The following SEMA3E variants were observed in gnomAD, a reference collection of about 807,000 sequenced individuals.
SEMA3E encodes the protein semaphorin 3E, also known as semaphorin-3E.
Under a neutral mutation model 93.6 loss-of-function variants are expected in SEMA3E, and 49 were observed. The observed-to-expected ratio is 0.52, with a 90% CI of 0.42 to 0.66. The LOEUF is 0.66. Among genes scored for constraint, SEMA3E ranks in the 30% least tolerant of loss-of-function variants. The pLI is 0.00. For missense variants in SEMA3E, 906 were observed against 964.8 expected (o/e 0.94, Z 0.81); for synonymous variants, 363 against 330.7 (o/e 1.10, Z -1.06).
intron 1 of SEMA3E, among the ~76,000 whole-genome samples, chr7:83,523,446 T>C (rs1048037158): frequency 7.9e-5 from 12 of 152,122 alleles, no homozygotes; most frequent in African/African-American, 2.4e-4. Context: ...GGATAAAATA[T>C]GGTTTTTCAG....
chr7:83,556,474 T>C (rs1015293711), intron 1 of SEMA3E, among the ~76,000 whole-genome samples: 2 of 152,138 alleles, frequency 1.3e-5, no homozygotes, highest in African/African-American at 4.8e-5. Context: ...TCATGTATGT[T>C]ACATTTCGTG....
chr7:83,603,027 C>A, intron 1 of SEMA3E, among the ~76,000 whole-genome samples: 1 of 152,098 alleles, frequency 6.6e-6, no homozygotes, highest in South Asian at 2.1e-4. Flanking sequence ...CTTAACCTAT[C>A]AGAAATGTGT....
chr7:83,466,725 A>G lies in SEMA3E; in HGVS notation c.337-124T>C. The stretch of plus-strand genomic sequence containing the variant: ...ACCGTAAATCTCTGTTGGGTGAAGG[A>G]GGCAAGAGGGGTAGAAGAAAAGAGG... On this transcript the variant is annotated intron_variant, in intron 3 of 16. Transcript: ENST00000643230. 2.6e-6 allele frequency: 3 copies of G among 1,160,470 alleles called. 1 individual carries two copies. In the Middle Eastern group the frequency reaches 5.8e-4, roughly 224 times the overall value. 71.9% of individuals were successfully genotyped at this position (1,160,470 alleles called of 1,614,324 possible). A position where few individuals can be genotyped will look rare whatever the true frequency, so the allele number is the denominator to read the frequency against.
chr7:83,612,208 G>A (rs777747764), intron 1 of SEMA3E, among the ~76,000 whole-genome samples: 1 of 151,948 alleles, frequency 6.6e-6, no homozygotes, highest in African/African-American at 2.4e-5. Context: ...TTTATATTCA[G>A]AGTACTACTC....
At chr7:83,435,487 C>T (rs961648218) in intron 4 of SEMA3E, among the ~76,000 whole-genome samples, 32 of 151,880 alleles carry the variant, frequency 2.1e-4, no homozygotes, top group African/African-American at 7.0e-4. Flanking sequence ...TCCCAGCTGC[C>T]CAGGAGGCCG....
intron 4 of SEMA3E, among the ~76,000 whole-genome samples, chr7:83,448,582 T>C (rs1789286437): frequency 6.6e-6 from 1 of 152,236 alleles, no homozygotes; most frequent in South Asian, 2.1e-4. Context: ...CTTAGAGTCA[T>C]TGTTTCAGCA....
At chr7:83,529,014 G>A (rs1562820452) in intron 1 of SEMA3E, among the ~76,000 whole-genome samples, 2 of 152,088 alleles carry the variant, frequency 1.3e-5, no homozygotes, top group Non-Finnish European at 2.9e-5. Flanking sequence ...GCTTAAAAGA[G>A]TATTCAAGTT....
intron 1 of SEMA3E, among the ~76,000 whole-genome samples, chr7:83,639,687 G>A (rs17157933): frequency 0.12 from 17,919 of 147,870 alleles, 1,175 homozygotes; most frequent in East Asian, 0.2. Context: ...AAAACCATAC[G>A]AGATAGGAAG....
At chr7:83,590,698 G>T (rs75696789) in intron 1 of SEMA3E, among the ~76,000 whole-genome samples, 6,441 of 152,148 alleles carry the variant, frequency 0.042, 370 homozygotes, top group African/African-American at 0.13. Flanking sequence ...TCTGGACCTT[G>T]CTGTCTAGCT....
At chr7:83,437,423 C>T (rs1034752972) in intron 4 of SEMA3E, among the ~76,000 whole-genome samples, 2 of 151,908 alleles carry the variant, frequency 1.3e-5, no homozygotes, top group Admixed American at 6.6e-5. Flanking sequence ...ATCCAGAAGA[C>T]ATTAAAAAAT....
chr7:83,432,965 G>A (rs1788922451), intron 4 of SEMA3E, among the ~76,000 whole-genome samples: 1 of 152,162 alleles, frequency 6.6e-6, no homozygotes, highest in Non-Finnish European at 1.5e-5. Flanking sequence ...AGGGTTTGGT[G>A]CTGGGGTCCA....
intron 2 of SEMA3E, among the ~76,000 whole-genome samples, chr7:83,472,824 G>A (rs535748404): frequency 9.9e-5 from 15 of 152,240 alleles, no homozygotes; most frequent in East Asian, 1.9e-4. Context: ...CATGGAGGCC[G>A]TTTCCCCCAT....
chr7:83,375,886 G>A (rs761101265), intron 16 of SEMA3E, among the ~76,000 whole-genome samples: 2 of 151,908 alleles, frequency 1.3e-5, no homozygotes, highest in Non-Finnish European at 2.9e-5. Context: ...TATACAATAG[G>A]AACTCTGTCT....
At chr7:83,424,174 C>A (rs993961426) in intron 4 of SEMA3E, among the ~76,000 whole-genome samples, 1 of 152,014 alleles carries the variant, frequency 6.6e-6, no homozygotes, top group Non-Finnish European at 1.5e-5. Context: ...AAAGGGTAGA[C>A]AACGTCAGAT....
intron 1 of SEMA3E, among the ~76,000 whole-genome samples, chr7:83,583,841 G>C (rs1207612698): frequency 6.6e-6 from 1 of 152,156 alleles, no homozygotes; most frequent in Non-Finnish European, 1.5e-5. Flanking sequence ...GCGTGGTTGA[G>C]TTGTGATGCT....
In SEMA3E at chr7:83,435,776, A is replaced by G. The variant is rs1407502249; in HGVS notation, c.457-17293T>C. ...ATAGTTAGTTAGCAATATTATTTAT[A>G]TCATTGGTCTTTCGTGATGTAAAAT... On this transcript the variant is annotated intron_variant, in intron 4 of 16. Transcript: ENST00000643230. Among the ~76,000 whole-genome samples, 5 of 152,320 alleles carry G rather than the reference A, an allele frequency of 3.3e-5. No individual in the cohort carries two copies. The South Asian group carries it at 6.2e-4, about 19-fold the overall frequency.
intron 1 of SEMA3E, among the ~76,000 whole-genome samples, chr7:83,512,746 G>A (rs1790850571): frequency 6.6e-6 from 1 of 152,026 alleles, no homozygotes; most frequent in Admixed American, 6.6e-5. Context: ...TGAATATGAT[G>A]ATACAACGTA....
chr7:83,419,411 T>C (rs1006980418), intron 4 of SEMA3E, among the ~76,000 whole-genome samples: 1 of 152,196 alleles, frequency 6.6e-6, no homozygotes, highest in African/African-American at 2.4e-5. Flanking sequence ...ATTGTCTTTT[T>C]GGTAGAATGA....
chr7:83,572,641 A>G (rs2115874316), intron 1 of SEMA3E, among the ~76,000 whole-genome samples: 1 of 152,128 alleles, frequency 6.6e-6, no homozygotes, highest in East Asian at 1.9e-4. Context: ...CCATCTCAAA[A>G]CAAACAAAAC....
Sources: allele counts gnomAD v4.1 joint callset (sites outside exome capture counted in the v4.1 genomes callset), GRCh38; gene constraint gnomAD v4.1.1; transcripts MANE v1.5; gene names NCBI Gene and HGNC (gene_info 2026-07-23, HGNC 2026-07-21).